The following FRYL variants were observed in gnomAD, a reference collection of about 807,000 sequenced individuals.
The protein encoded by FRYL is FRY like transcription coactivator, also known as protein furry homolog-like.
In FRYL, 150 loss-of-function variants were observed where a neutral mutation model predicts 351.2. The ratio of observed to expected loss-of-function variants is 0.43; its 90% CI spans 0.37 to 0.49. FRYL has a LOEUF of 0.49. FRYL is among the 20% of genes least tolerant of loss of function. The probability of loss-of-function intolerance (pLI) is 0.00; values close to 1 mark genes in which losing one functional copy is unlikely to be tolerated. For synonymous variants in FRYL, 1,153 were observed against 1,257.1 expected, an observed-to-expected ratio of 0.92 and a Z score of 1.75; for missense variants, 3,036 against 3,619.3, an observed-to-expected ratio of 0.84 and a Z score of 4.13.
At chr4:48,644,159 C>T (rs1251415390) in intron 3 of FRYL, among the ~76,000 whole-genome samples, 2 of 152,104 alleles carry the variant, frequency 1.3e-5, no homozygotes, top group South Asian at 2.1e-4. Flanking sequence ...TCAGGCTGAT[C>T]TCGAACTCCC....
chr4:48,585,447 T>G (rs1344713812), intron 19 of FRYL, among the ~76,000 whole-genome samples: 1 of 152,240 alleles, frequency 6.6e-6, no homozygotes, highest in East Asian at 1.9e-4. Context: ...ATTGTTTATT[T>G]ATTATGAATT....
chr4:48,669,603 G>A (rs145332640), intron 3 of FRYL, among the ~76,000 whole-genome samples: 4 of 145,658 alleles, frequency 2.7e-5, no homozygotes, highest in African/African-American at 1.0e-4. Flanking sequence ...TATATTAAAG[G>A]GATATATATA....
At chr4:48,582,389 A>T in intron 20 of FRYL, 108 bp downstream of exon 20, 1 of 722,616 alleles carries the variant, frequency 1.4e-6, no homozygotes. Flanking sequence ...GAGAGTGAAT[A>T]GAACTAATAA....
chr4:48,602,438 A>C (rs1745902112), intron 12 of FRYL, among the ~76,000 whole-genome samples: 1 of 152,142 alleles, frequency 6.6e-6, no homozygotes, highest in Admixed American at 6.5e-5. Flanking sequence ...ATGGCATTAA[A>C]ATGTTAGCTT....
At chr4:48,691,953 T>C (rs1020455130) in intron 2 of FRYL, among the ~76,000 whole-genome samples, 9 of 152,200 alleles carry the variant, frequency 5.9e-5, no homozygotes, top group Non-Finnish European at 8.8e-5. Context: ...AGGAAATGAG[T>C]ACTGCAGTGC....
intron 1 of FRYL, among the ~76,000 whole-genome samples, chr4:48,736,885 A>G (rs1771494398): frequency 6.6e-6 from 1 of 151,098 alleles, no homozygotes; most frequent in Admixed American, 6.6e-5. Context: ...AAAGAAAAAG[A>G]AAGAAAGAAA....
intron 2 of FRYL, among the ~76,000 whole-genome samples, chr4:48,706,257 T>C (rs1767329725): frequency 6.6e-6 from 1 of 152,182 alleles, no homozygotes; most frequent in Non-Finnish European, 1.5e-5. Context: ...CAAATATCAG[T>C]TGATGGATGG....
chr4:48,500,319 C>T lies in FRYL; in HGVS notation c.8593-99G>A, dbSNP rs181814536. ...ACCTGATGGCAGTAGCATTGTTGCT[C>T]TTAAAGATTATTTTAAAATGTTTGT... On this transcript the variant is annotated intron_variant, in intron 62 of 63. Coordinates refer to ENST00000358350, the MANE Select transcript of FRYL (RefSeq NM_015030.2). 9.4e-6 allele frequency: 6 copies of T among 640,518 alleles called. No individual in the cohort carries two copies. The East Asian group carries it at 1.8e-4, about 20-fold the overall frequency. The allele number at this position is 640,518 out of a possible 1,614,324, so 39.7% of individuals were successfully genotyped here. A position where few individuals can be genotyped will look rare whatever the true frequency, so the allele number is the denominator to read the frequency against.
intron 1 of FRYL, among the ~76,000 whole-genome samples, chr4:48,726,862 C>T (rs938967457): frequency 5.9e-5 from 9 of 152,110 alleles, no homozygotes; most frequent in African/African-American, 1.4e-4. Context: ...GTGTTTTAAG[C>T]GACTGATAAT....
rs781226218 is a variant in FRYL at position 48,564,920 on chromosome 4, T to C, written c.3441+13A>G. On this transcript the variant is annotated intron_variant, in intron 30 of 63. Coordinates refer to ENST00000358350, the MANE Select transcript of FRYL (RefSeq NM_015030.2). Reference sequence around the variant, plus strand: ...AACTTATTATGAACCTTTAAGGAAATTGTCATAATTACCTTTTTGTCCAGA... The same window carrying C: ...AACTTATTATGAACCTTTAAGGAAACTGTCATAATTACCTTTTTGTCCAGA... The C allele has an allele frequency of 2.4e-5, 33 of 1,379,926 alleles. No individual in the cohort carries two copies. Among genetic ancestry groups the C allele is most frequent in the South Asian group, 3.6e-5 (3 of 83,850 alleles). The allele number at this position is 1,379,926 out of a possible 1,614,324, so 85.5% of individuals were successfully genotyped here. A position where few individuals can be genotyped will look rare whatever the true frequency, so the allele number is the denominator to read the frequency against.
chr4:48,688,186 C>A (rs1211692177), intron 2 of FRYL, among the ~76,000 whole-genome samples: 1 of 152,136 alleles, frequency 6.6e-6, no homozygotes, highest in African/African-American at 2.4e-5. Context: ...AAGGTCAATT[C>A]CTGCCATTCT....
At chr4:48,650,480 G>T (rs1416684784) in intron 3 of FRYL, among the ~76,000 whole-genome samples, 5 of 152,232 alleles carry the variant, frequency 3.3e-5, no homozygotes, top group Non-Finnish European at 5.9e-5. Context: ...GAAGAGAACA[G>T]ATGAAGCATT....
intron 4 of FRYL, 94 bp downstream of exon 4, chr4:48,634,197 T>C (rs1753795550): frequency 1.1e-6 from 1 of 911,158 alleles, no homozygotes; most frequent in African/African-American, 1.7e-5. Flanking sequence ...TAATATTTTT[T>C]TCAAGTATAT....
rs1736966945 is a variant in FRYL at position 48,567,143 on chromosome 4, T to C, written c.3169+105A>G. The stretch of plus-strand genomic sequence containing the variant: ...GTTATGCTGACATATTTTTCCAGTA[T>C]GTTCATACGTTACTTTATCAACTTA... On this transcript the variant is annotated intron_variant, in intron 28 of 63. Coordinates refer to ENST00000358350, the MANE Select transcript of FRYL (RefSeq NM_015030.2). The surrounding 1 kb of genome is among the most constrained non-coding windows in gnomAD (Gnocchi z 4.2). 1.2e-6 allele frequency: 1 copy of C among 829,030 alleles called. No individual in the cohort carries two copies. Among genetic ancestry groups the C allele is most frequent in the African/African-American group, 1.8e-5 (1 of 55,378 alleles). 51.4% of individuals were successfully genotyped at this position (829,030 alleles called of 1,614,324 possible).
chr4:48,564,554 G>C (rs1198439263), intron 30 of FRYL, among the ~76,000 whole-genome samples: 3 of 152,060 alleles, frequency 2.0e-5, no homozygotes, highest in Non-Finnish European at 2.9e-5. Context: ...GAGTGTGGAG[G>C]GCAAGGAGGA....
rs75542681 is a variant in FRYL, at chr4:48,579,072, T to C, written c.2429A>G (p.Lys810Arg). 3,652 of 1,614,092 alleles carry C rather than the reference T, an allele frequency of 2.3e-3. 86 individuals carry two copies. The Admixed American group carries it at 0.037, about 17-fold the overall frequency. Residue 810 changes from lysine (K) to arginine (R), a missense_variant, in exon 23 of 64, where the codon AAG (lysine) becomes AGG (arginine). Transcript: ENST00000358350. ...GCAGTGTTTAGGAAGATTTTCTTGC[T>C]TTAAAAAACTGGAGAGACTTATAAT... Reference protein sequence around the residue: ...PWIISLSSFLKQENLPKHCST... With the variant: ...PWIISLSSFLRQENLPKHCST...
intron 32 of FRYL, 54 bp from the exon 33 acceptor site, chr4:48,561,690 G>A (rs1309824974): frequency 4.5e-6 from 6 of 1,346,748 alleles, no homozygotes; most frequent in Non-Finnish European, 6.1e-6. Flanking sequence ...GTTCTCTAAA[G>A]TTTAACTATA....
intron 1 of FRYL, among the ~76,000 whole-genome samples, chr4:48,736,850 G>GAAAAAAAAAA (rs368006420): frequency 7.4e-5 from 3 of 40,586 alleles, no homozygotes; most frequent in Non-Finnish European, 1.3e-4. Flanking sequence ...ACTCTGTCTC[G>GAAAAAAAAAA]AAAAAAAAAA....
intron 47 of FRYL, 84 bp downstream of exon 47, chr4:48,539,887 G>T: frequency 1.0e-6 from 1 of 998,700 alleles, no homozygotes; most frequent in Non-Finnish European, 1.5e-6. Context: ...AATAAAAGGA[G>T]TTTTAAGAGA....
Sources: allele counts gnomAD v4.1 joint callset (sites outside exome capture counted in the v4.1 genomes callset), GRCh38; gene constraint gnomAD v4.1.1; non-coding constraint Gnocchi (gnomAD v3.1); transcripts MANE v1.5; gene names NCBI Gene and HGNC (gene_info 2026-07-23, HGNC 2026-07-21).